Variants in TRDN observed in about 807,000 individuals in gnomAD.
TRDN encodes triadin, also known as triadin in skeletal muscle.
TRDN carries 161 observed loss-of-function variants against 149.7 expected under a neutral mutation model. The observed-to-expected ratio is 1.08, with a 90% confidence interval of 0.95 to 1.23. TRDN has a LOEUF of 1.23. TRDN is among the 50% of genes most tolerant of loss of function. The probability of loss-of-function intolerance (pLI) is 0.00; values close to 1 mark genes in which losing one functional copy is unlikely to be tolerated. For synonymous variants in TRDN, 294 were observed against 250.5 expected (o/e 1.17, Z -1.64); for missense variants, 896 against 823.5 (o/e 1.09, Z -1.08).
At chr6:123,499,700 G>C (rs1778598264) in intron 8 of TRDN, among the ~76,000 whole-genome samples, 1 of 7,250 alleles carries the variant, frequency 1.4e-4, no homozygotes, top group Middle Eastern at 0.071. Context: ...TGAGATTCTG[G>C]CTCAAAAAAA....
chr6:123,221,993 C>T (rs1775164757), intron 39 of TRDN, among the ~76,000 whole-genome samples: 1 of 151,720 alleles, frequency 6.6e-6, no homozygotes. Flanking sequence ...ATCCTGCATT[C>T]TTCCCTTTTC....
intron 1 of TRDN, among the ~76,000 whole-genome samples, chr6:123,604,926 G>A (rs1035347166): frequency 6.6e-6 from 1 of 151,974 alleles, no homozygotes; most frequent in Non-Finnish European, 1.5e-5. Context: ...GAATAGATTA[G>A]TACCTAGATG....
At chr6:123,545,139 G>C (rs1410483440) in intron 4 of TRDN, among the ~76,000 whole-genome samples, 1 of 151,882 alleles carries the variant, frequency 6.6e-6, no homozygotes, top group Non-Finnish European at 1.5e-5. Context: ...AAATATTATT[G>C]AATATATATG....
chr6:123,289,049 A>G (rs1777904221), intron 24 of TRDN, among the ~76,000 whole-genome samples: 1 of 147,098 alleles, frequency 6.8e-6, no homozygotes, highest in Non-Finnish European at 1.5e-5. Context: ...ATATATATAT[A>G]CACTATATAT....
At chr6:123,535,937 C>CT (rs1184258005) in intron 4 of TRDN, among the ~76,000 whole-genome samples, 5 of 152,118 alleles carry the variant, frequency 3.3e-5, no homozygotes, top group African/African-American at 1.2e-4. Context: ...ATGTGCATCT[C>CT]TGACATCCAT....
chr6:123,575,069 T>C (rs35922405), intron 1 of TRDN, among the ~76,000 whole-genome samples: 1,764 of 151,782 alleles, frequency 0.012, 11 homozygotes, highest in Non-Finnish European at 0.017. Context: ...TTTAAATAGA[T>C]GAAAATGATA....
intron 1 of TRDN, among the ~76,000 whole-genome samples, chr6:123,597,953 A>ATT (rs987581856): frequency 7.9e-5 from 12 of 151,918 alleles, no homozygotes; most frequent in Admixed American, 1.3e-4. Flanking sequence ...TTCCTGTATT[A>ATT]TTTTTTCCTT....
chr6:123,536,302 T>C (rs1230799346), intron 4 of TRDN, among the ~76,000 whole-genome samples: 1 of 152,164 alleles, frequency 6.6e-6, no homozygotes, highest in Non-Finnish European at 1.5e-5. Context: ...GAGAAATGCA[T>C]ACTACTTGAA....
rs1006215668 is a variant in TRDN, at chr6:123,351,224, A to G, written c.1369+1315T>C. On this transcript the variant is annotated intron_variant, in intron 21 of 40. Transcript: ENST00000334268. The stretch of plus-strand genomic sequence containing the variant: ...TTGATTTTATAAGAAAAAATGCCTA[A>G]GTATCTGTTACATGCTTATCTAGAA... The G allele has an allele frequency of 5.6e-5, 55 of 981,396 alleles. 4 individuals carry two copies. Among genetic ancestry groups the G allele is most frequent in the East Asian group, 4.5e-4 (4 of 8,800 alleles). 60.8% of individuals were successfully genotyped at this position (981,396 alleles called of 1,614,324 possible). A position where few individuals can be genotyped will look rare whatever the true frequency, so the allele number is the denominator to read the frequency against.
intron 38 of TRDN, among the ~76,000 whole-genome samples, chr6:123,246,984 A>G (rs915815856): frequency 1.3e-5 from 2 of 152,230 alleles, no homozygotes; most frequent in Non-Finnish European, 2.9e-5. Flanking sequence ...TCACATAAAC[A>G]GAATCAATGA....
At chr6:123,480,952 G>T (rs1381204194) in intron 9 of TRDN, among the ~76,000 whole-genome samples, 1 of 151,930 alleles carries the variant, frequency 6.6e-6, no homozygotes, top group African/African-American at 2.4e-5. Flanking sequence ...AGAATCTGTT[G>T]TTTTCATTTT....
chr6:123,418,624 T>C (rs1273454321), intron 12 of TRDN: 1 of 152,050 alleles, frequency 6.6e-6, no homozygotes, highest in African/African-American at 2.4e-5. Flanking sequence ...TGTTATAGTT[T>C]GACAAAGTCT....
At chr6:123,561,637 G>A (rs1782007065) in intron 2 of TRDN, among the ~76,000 whole-genome samples, 1 of 152,016 alleles carries the variant, frequency 6.6e-6, no homozygotes, top group Non-Finnish European at 1.5e-5. Flanking sequence ...TTTAATACCT[G>A]TTTTTCTCCT....
In TRDN at chr6:123,571,103, C is replaced by G. The variant is rs372554839; in HGVS notation, c.52G>C (p.Asp18His). The change falls in exon 2 of 41, where the codon GAC becomes CAC. Residue 18 changes from aspartate to histidine, a missense_variant. Transcript: ENST00000334268. The stretch of plus-strand genomic sequence containing the variant: ...TTGGGCACAGATCCATTTTTGCTGT[C>G]TATCACAGTTGTGGTTGTAGATGCA... ...GNASTTTTVI[D>H]SKNGSVPKSP... 35 of 1,613,734 alleles carry G rather than the reference C, an allele frequency of 2.2e-5. 1 individual carries two copies. Among genetic ancestry groups the G allele is most frequent in the African/African-American group, 5.3e-5 (4 of 74,862 alleles).
chr6:123,417,032 T>C (rs1751098453), intron 12 of TRDN, among the ~76,000 whole-genome samples: 1 of 152,168 alleles, frequency 6.6e-6, no homozygotes, highest in Admixed American at 6.5e-5. Context: ...CAGAAAAGCA[T>C]CTTTCTAATG....
intron 16 of TRDN, among the ~76,000 whole-genome samples, chr6:123,379,671 T>A (rs888396403): frequency 6.6e-6 from 1 of 152,204 alleles, no homozygotes; most frequent in Admixed American, 6.5e-5. Flanking sequence ...TGTGCTAATT[T>A]GTTCATTATA....
chr6:123,529,947 G>A (rs1161136652), intron 5 of TRDN, among the ~76,000 whole-genome samples: 1 of 151,944 alleles, frequency 6.6e-6, no homozygotes, highest in East Asian at 1.9e-4. Context: ...TTCTTAATTT[G>A]CTTCTGCTGC....
At chr6:123,526,486 A>G (rs1052591796) in intron 5 of TRDN, among the ~76,000 whole-genome samples, 13 of 152,212 alleles carry the variant, frequency 8.5e-5, no homozygotes, top group African/African-American at 2.9e-4. Flanking sequence ...GAAAAGCCAC[A>G]TGTTCTTACG....
intron 1 of TRDN, among the ~76,000 whole-genome samples, chr6:123,582,789 G>C (rs1387751606): frequency 1.3e-5 from 2 of 151,940 alleles, no homozygotes; most frequent in African/African-American, 4.8e-5. Flanking sequence ...GTAAAGTCTT[G>C]GGACAGCAAA....
Sources: allele counts gnomAD v4.1 joint callset (sites outside exome capture counted in the v4.1 genomes callset), GRCh38; gene constraint gnomAD v4.1.1; transcripts MANE v1.5; gene names NCBI Gene and HGNC (gene_info 2026-07-23, HGNC 2026-07-21).